DNAJC12: variants seen among roughly 807,000 people sequenced by gnomAD.
DNAJC12 encodes the protein DnaJ heat shock protein family (Hsp40) member C12, also known as dnaJ homolog subfamily C member 12.
DNAJC12 carries 25 observed loss-of-function variants against 28.5 expected under a neutral mutation model. The observed-to-expected ratio is 0.88, with a 90% CI of 0.64 to 1.22. DNAJC12 has a LOEUF of 1.22. Among genes scored for constraint, DNAJC12 ranks in the 50% most tolerant of loss-of-function variants. The probability of loss-of-function intolerance (pLI) is 0.00; values close to 1 mark genes in which losing one functional copy is unlikely to be tolerated. For synonymous variants in DNAJC12, 77 were observed against 80.6 expected (o/e 0.95, Z 0.24); for missense variants, 222 against 231.7 (o/e 0.96, Z 0.27).
intron 1 of DNAJC12, among the ~76,000 whole-genome samples, chr10:67,826,339 G>A (rs1338831794): frequency 6.6e-6 from 1 of 151,066 alleles, no homozygotes; most frequent in Non-Finnish European, 1.5e-5. Context: ...TTGCCATCTT[G>A]TCCAGGCTGG....
At position 67,805,761 on chromosome 10, in the gene DNAJC12, T is replaced by G; in HGVS notation, c.324A>C (p.Lys108Asn). 6.2e-7 allele frequency: 1 copy of G among 1,606,884 alleles called. No individual in the cohort carries two copies. The highest frequency in any genetic ancestry group is 8.5e-7 in the Non-Finnish European group (1 of 1,178,132). ...KTSMHWVVRG[K>N]KDLMLEESDK... ...CAGATTCTTCCAGCATCAGGTCTTT[T>G]TTACCTCTGACAACCCAGTGCATTG... is the stretch of plus-strand genomic sequence containing the variant. Residue 108 changes from lysine to asparagine, a missense_variant, in exon 4 of 5, where the codon AAA becomes AAC. Physicochemically the swap from Lys to Asn is moderately conservative, Grantham distance 94. Transcript: ENST00000225171.
chr10:67,797,820 C>G (rs1201149649), intron 4 of DNAJC12, among the ~76,000 whole-genome samples: 1 of 152,088 alleles, frequency 6.6e-6, no homozygotes, highest in East Asian at 1.9e-4. Context: ...GCGGGCGGAT[C>G]ACGAGGTCAG....
intron 1 of DNAJC12, among the ~76,000 whole-genome samples, chr10:67,826,947 T>G (rs1842042933): frequency 7.0e-6 from 1 of 142,382 alleles, no homozygotes; most frequent in Non-Finnish European, 1.5e-5. Context: ...ATATATAATA[T>G]ATATCATGAT....
rs747579013 is a variant in DNAJC12, at chr10:67,805,643, C to T, written c.442G>A (p.Glu148Lys). ...EELASTAEKT[E>K]QKEPKPLEKS... ...TCTAGGGGCTTGGGTTCTTTCTGCTCCGTTTTCTCTGCGGTTGAAGCCAGC... is the reference window on the plus strand; with the variant it reads ...TCTAGGGGCTTGGGTTCTTTCTGCTTCGTTTTCTCTGCGGTTGAAGCCAGC... Residue 148 changes from glutamate to lysine, a missense_variant, in exon 4 of 5, where the codon GAG becomes AAG. Transcript: ENST00000225171. 2.8e-5 allele frequency: 45 copies of T among 1,613,366 alleles called. No individual in the cohort carries two copies. The Middle Eastern group carries it at 4.9e-4, about 18-fold the overall frequency.
chr10:67,812,198 A>C (rs1343770544), intron 2 of DNAJC12, among the ~76,000 whole-genome samples: 1 of 152,116 alleles, frequency 6.6e-6, no homozygotes, highest in Non-Finnish European at 1.5e-5. Flanking sequence ...CTTATAAAGC[A>C]GGAAGGAGCA....
At chr10:67,830,237 G>C (rs1452789144) in intron 1 of DNAJC12, among the ~76,000 whole-genome samples, 4 of 152,070 alleles carry the variant, frequency 2.6e-5, no homozygotes, top group Non-Finnish European at 5.9e-5. Flanking sequence ...CTTGAGCCTG[G>C]GAGGCGGAGG....
chr10:67,803,962 T>C (rs1460570925), intron 4 of DNAJC12, among the ~76,000 whole-genome samples: 1 of 152,242 alleles, frequency 6.6e-6, no homozygotes, highest in Non-Finnish European at 1.5e-5. Context: ...GAAGAGAAGA[T>C]GTAAAAGTTC....
At chr10:67,822,190 C>G (rs1189233236) in intron 2 of DNAJC12, among the ~76,000 whole-genome samples, 2 of 152,074 alleles carry the variant, frequency 1.3e-5, no homozygotes, top group African/African-American at 4.8e-5. Flanking sequence ...AGGAGGGAAC[C>G]TTGGGGCAAC....
At chr10:67,826,580 A>G (rs1024070157) in intron 1 of DNAJC12, among the ~76,000 whole-genome samples, 3 of 139,668 alleles carry the variant, frequency 2.1e-5, no homozygotes, top group Non-Finnish European at 4.6e-5. Flanking sequence ...TATAATATAT[A>G]TCATCTAATG....
intron 4 of DNAJC12, 107 bp from the exon 5 acceptor site, chr10:67,797,317 A>G: frequency 1.2e-6 from 1 of 803,112 alleles, no homozygotes; most frequent in Non-Finnish European, 2.0e-6. Flanking sequence ...GTACAATGTA[A>G]GGGTAAGACT....
chr10:67,811,397 C>A, intron 3 of DNAJC12, 127 bp downstream of exon 3: 1 of 1,520,510 alleles, frequency 6.6e-7, no homozygotes. Context: ...TGAATTATAT[C>A]CAGACTCTGC....
intron 1 of DNAJC12, among the ~76,000 whole-genome samples, chr10:67,831,273 A>G (rs1280373204): frequency 6.6e-6 from 1 of 152,228 alleles, no homozygotes; most frequent in African/African-American, 2.4e-5. Context: ...ATGCACAGAT[A>G]ATTAACATGT....
intron 4 of DNAJC12, among the ~76,000 whole-genome samples, chr10:67,804,571 G>C (rs751787161): frequency 6.6e-6 from 1 of 152,174 alleles, no homozygotes; most frequent in Non-Finnish European, 1.5e-5. Context: ...CAGAAACTGA[G>C]GTCTAGAGAA....
At chr10:67,810,404 C>G (rs186692704) in intron 3 of DNAJC12, among the ~76,000 whole-genome samples, 1 of 152,176 alleles carries the variant, frequency 6.6e-6, no homozygotes, top group African/African-American at 2.4e-5. Flanking sequence ...ACCCCTGAGG[C>G]TGTGGCTCGT....
intron 2 of DNAJC12, among the ~76,000 whole-genome samples, chr10:67,817,008 C>A (rs1841923026): frequency 6.6e-6 from 1 of 151,704 alleles, no homozygotes; most frequent in African/African-American, 2.4e-5. Flanking sequence ...GCACCCACAT[C>A]TGGAGAGGGG....
chr10:67,828,338 T>C (rs1842057962), intron 1 of DNAJC12, among the ~76,000 whole-genome samples: 1 of 152,208 alleles, frequency 6.6e-6, no homozygotes, highest in Non-Finnish European at 1.5e-5. Context: ...TATCTATCTC[T>C]CTATATGTAG....
At chr10:67,823,536 A>G in intron 1 of DNAJC12, 144 bp from the exon 2 acceptor site, 2 of 632,774 alleles carry the variant, frequency 3.2e-6, no homozygotes, top group South Asian at 1.9e-5. Context: ...CCCAGTCTCT[A>G]CAAAATATAA....
At position 67,797,193 on chromosome 10, in the gene DNAJC12, C is replaced by A; in HGVS notation, c.520G>T (p.Gly174Cys). Residue 174 changes from glycine to cysteine, a missense_variant, in exon 5 of 5, where the codon GGT becomes TGT. Coordinates refer to ENST00000225171, the MANE Select transcript of DNAJC12 (RefSeq NM_021800.3). The part of the protein sequence containing the change: ...SDSSGFADVN[G>C]WHLRFRWSKD... ...GACCAGCGGAAACGAAGGTGCCAACCATTCACATCTGCAAAACCTTTAAAG... is the reference window on the plus strand; with the variant it reads ...GACCAGCGGAAACGAAGGTGCCAACAATTCACATCTGCAAAACCTTTAAAG... The A allele has an allele frequency of 6.2e-7, 1 of 1,613,630 alleles. No homozygotes were observed. Among genetic ancestry groups the A allele is most frequent in the East Asian group, 2.2e-5 (1 of 44,862 alleles).
At chr10:67,802,222 T>C (rs141413918) in intron 4 of DNAJC12, among the ~76,000 whole-genome samples, 78 of 152,292 alleles carry the variant, frequency 5.1e-4, no homozygotes, top group African/African-American at 1.8e-3. Flanking sequence ...AAAACTGGCA[T>C]CACAATTTGT....
Sources: gnomAD v4.1 joint callset for allele counts (sites outside exome capture counted in the v4.1 genomes callset) on GRCh38, gnomAD v4.1.1 for gene constraint, MANE v1.5 for transcripts, NCBI Gene and HGNC (gene_info 2026-07-23, HGNC 2026-07-21) for gene names.